Variants in SHB observed in about 807,000 individuals in gnomAD.
SHB encodes SH2 domain-containing adapter protein B.
SHB carries 20 observed loss-of-function variants against 52.3 expected under a neutral mutation model. The ratio of observed to expected loss-of-function variants is 0.38; its 90% CI spans 0.27 to 0.56. The LOEUF is 0.56. Among genes scored for constraint, SHB ranks in the 20% least tolerant of loss-of-function variants. SHB has a pLI of 0.71. For missense variants in SHB, 825 were observed against 723.3 expected (o/e 1.14, Z -1.61); for synonymous variants, 397 against 316.5 (o/e 1.25, Z -2.70).
chr9:37,952,382 G>A (rs1278763037), intron 4 of SHB, among the ~76,000 whole-genome samples: 1 of 152,226 alleles, frequency 6.6e-6, no homozygotes, highest in Non-Finnish European at 1.5e-5. Context: ...TCCTGAGGTA[G>A]GAATGCGCTT....
At chr9:38,006,676 C>G (rs960521813) in intron 2 of SHB, among the ~76,000 whole-genome samples, 5 of 152,196 alleles carry the variant, frequency 3.3e-5, no homozygotes, top group African/African-American at 9.6e-5. Context: ...TTCCGAGGGG[C>G]CTGAGCCCTC....
intron 2 of SHB, among the ~76,000 whole-genome samples, chr9:37,980,941 C>T (rs558723681): frequency 1.1e-4 from 17 of 152,280 alleles, no homozygotes; most frequent in Admixed American, 6.5e-5. Flanking sequence ...ATTCAGTAAA[C>T]CATGCTGTAA....
intron 1 of SHB, among the ~76,000 whole-genome samples, chr9:38,058,985 A>G (rs1421633907): frequency 6.6e-6 from 1 of 152,158 alleles, no homozygotes; most frequent in African/African-American, 2.4e-5. Context: ...ACGTAACTGT[A>G]TTTACTTGAC....
At chr9:37,989,644 G>A (rs1268907729) in intron 2 of SHB, among the ~76,000 whole-genome samples, 2 of 152,218 alleles carry the variant, frequency 1.3e-5, no homozygotes, top group East Asian at 3.8e-4. Flanking sequence ...GAAGGGCCTT[G>A]CCAAAGTCAC....
At chr9:37,949,392 C>CAAAAAAAAAAAAA (rs771495216) in intron 4 of SHB, among the ~76,000 whole-genome samples, 12 of 49,662 alleles carry the variant, frequency 2.4e-4, no homozygotes, top group South Asian at 6.1e-4. Flanking sequence ...GACTCCATCT[C>CAAAAAAAAAAAAA]AAAAAAAAAA....
At chr9:37,992,114 G>A (rs1820888969) in intron 2 of SHB, among the ~76,000 whole-genome samples, 1 of 152,142 alleles carries the variant, frequency 6.6e-6, no homozygotes, top group Admixed American at 6.5e-5. Context: ...ATAAAAACTT[G>A]GTCCAGCCGG....
At chr9:38,020,986 G>A (rs1821275110) in intron 1 of SHB, among the ~76,000 whole-genome samples, 2 of 152,216 alleles carry the variant, frequency 1.3e-5, no homozygotes, top group African/African-American at 4.8e-5. Flanking sequence ...CAGAAGAGGA[G>A]CCACTGCAGA....
At chr9:38,065,013 G>T (rs1398630748) in intron 1 of SHB, among the ~76,000 whole-genome samples, 2 of 152,192 alleles carry the variant, frequency 1.3e-5, no homozygotes, top group Non-Finnish European at 2.9e-5. Context: ...TACTCAGGAG[G>T]CTAAGGCGGG....
intron 4 of SHB, among the ~76,000 whole-genome samples, chr9:37,949,911 C>T (rs984266054): frequency 3.3e-5 from 5 of 152,286 alleles, no homozygotes; most frequent in Non-Finnish European, 5.9e-5. Context: ...CCTCATCTCC[C>T]ATCAGAGGAG....
intron 2 of SHB, chr9:38,015,609 C>T: frequency 1.6e-6 from 1 of 607,912 alleles, no homozygotes; most frequent in Non-Finnish European, 2.9e-6. Flanking sequence ...CAACGAAAGC[C>T]AGGTGACCCA....
intron 4 of SHB, among the ~76,000 whole-genome samples, chr9:37,950,246 T>TTG (rs960680764): frequency 1.6e-4 from 25 of 152,048 alleles, no homozygotes; most frequent in Non-Finnish European, 3.5e-4. Context: ...CTGATTTTCC[T>TTG]TGTGTGTGTG....
chr9:38,013,181 A>G (rs1279405596), intron 2 of SHB, among the ~76,000 whole-genome samples: 1 of 152,256 alleles, frequency 6.6e-6, no homozygotes, highest in Admixed American at 6.5e-5. Flanking sequence ...CTGCCAAGCT[A>G]GGATGCAAAC....
chr9:37,925,193 C>T (rs1281246343), intron 5 of SHB, among the ~76,000 whole-genome samples: 3 of 152,380 alleles, frequency 2.0e-5, no homozygotes, highest in East Asian at 3.9e-4. Context: ...AATGAGGCCC[C>T]ATGCATCCTC....
At position 37,952,405 on chromosome 9, in the gene SHB, G is replaced by A. The variant is rs567162216; in HGVS notation, c.1226+3478C>T. ...TAGGAATGCGCTTGCAGTGCTCACA[G>A]AGCAGAAAGGCGGCAAGAATGACCC... On this transcript the variant is annotated intron_variant, in intron 4 of 5. Transcript: ENST00000377707. Among the ~76,000 whole-genome samples the A allele has an allele frequency of 4.6e-5, 7 of 152,384 alleles. No individual in the cohort carries two copies. The South Asian group carries it at 1.4e-3, about 32-fold the overall frequency.
chr9:38,046,266 T>G (rs1821651047), intron 1 of SHB, among the ~76,000 whole-genome samples: 1 of 152,216 alleles, frequency 6.6e-6, no homozygotes, highest in South Asian at 2.1e-4. Flanking sequence ...TTGCTGAACG[T>G]GGCCAGGCCT....
At chr9:37,964,820 CAG>C (rs1832730894) in intron 3 of SHB, among the ~76,000 whole-genome samples, 1 of 152,216 alleles carries the variant, frequency 6.6e-6, no homozygotes, top group Non-Finnish European at 1.5e-5. Flanking sequence ...GATGAAGAAA[CAG>C]AGACAACTTG....
intron 2 of SHB, among the ~76,000 whole-genome samples, chr9:37,976,880 C>T (rs1393025726): frequency 1.3e-5 from 2 of 152,226 alleles, no homozygotes; most frequent in Admixed American, 1.3e-4. Flanking sequence ...ATGACATCAG[C>T]CCTTCCGAGA....
chr9:38,038,877 TGGAACCCCGG>T (rs1821526858), intron 1 of SHB, among the ~76,000 whole-genome samples: 1 of 151,950 alleles, frequency 6.6e-6, no homozygotes, highest in Admixed American at 6.6e-5. Flanking sequence ...GAAAGGCAGA[TGGAACCCCGG>T]AGAGGGAGTG....
At chr9:38,030,274 CT>C (rs1292649017) in intron 1 of SHB, among the ~76,000 whole-genome samples, 2 of 152,202 alleles carry the variant, frequency 1.3e-5, no homozygotes, top group Non-Finnish European at 2.9e-5. Context: ...AACTTCCCCC[CT>C]CAGAGATGTT....
Sources: allele counts gnomAD v4.1 joint callset (sites outside exome capture counted in the v4.1 genomes callset), GRCh38; gene constraint gnomAD v4.1.1; transcripts MANE v1.5; gene names NCBI Gene and HGNC (gene_info 2026-07-23, HGNC 2026-07-21).